The following AHCYL2 variants were observed in gnomAD, a reference collection of about 807,000 sequenced individuals.
The protein encoded by AHCYL2 is S-adenosylhomocysteine hydrolase-like protein 2.
A neutral mutation model predicts 81.4 loss-of-function variants in AHCYL2; 28 were observed. The observed-to-expected ratio is 0.34, with a 90% CI of 0.25 to 0.47. The LOEUF (loss-of-function observed/expected upper bound fraction) is 0.47, where lower values mean the gene tolerates loss of function less well. Ranked by LOEUF, AHCYL2 falls within the 20% of genes least tolerant of loss-of-function variation. The pLI, the probability that AHCYL2 is intolerant of heterozygous loss-of-function variation, is 1.00. For synonymous variants in AHCYL2, 272 were observed against 290.2 expected (o/e 0.94, Z 0.64); for missense variants, 551 against 785.1 (o/e 0.70, Z 3.56).
chr7:129,253,521 A>G (rs1438786323), intron 1 of AHCYL2, among the ~76,000 whole-genome samples: 2 of 152,352 alleles, frequency 1.3e-5, no homozygotes, highest in Admixed American at 6.5e-5. Context: ...AGAGCTGTAA[A>G]TGCAAATGGC....
chr7:129,282,017 C>T (rs79668490), intron 1 of AHCYL2, among the ~76,000 whole-genome samples: 2,004 of 152,212 alleles, frequency 0.013, 24 homozygotes, highest in Non-Finnish European at 0.02. Context: ...TACTTTACTT[C>T]CTGATATTTG....
At chr7:129,328,023 C>G (rs1460345183) in intron 1 of AHCYL2, among the ~76,000 whole-genome samples, 1 of 152,200 alleles carries the variant, frequency 6.6e-6, no homozygotes, top group African/African-American at 2.4e-5. Context: ...ATTTTGAACT[C>G]CTGGCCTCAA....
chr7:129,226,860 G>C (rs1402911834), intron 1 of AHCYL2, among the ~76,000 whole-genome samples: 1 of 152,200 alleles, frequency 6.6e-6, no homozygotes, highest in Non-Finnish European at 1.5e-5. Context: ...ACCAGTGCTG[G>C]GAGTACCTAG....
Position 129,368,018 on chromosome 7 carries a change from T to C in AHCYL2, c.364-11620T>C, listed in dbSNP as rs1794190039. The C allele has an allele frequency of 1.3e-6, 1 of 775,332 alleles. No individual in the cohort carries two copies. The allele number at this position is 775,332 out of a possible 1,614,324, so 48.0% of individuals were successfully genotyped here. On this transcript the variant is annotated intron_variant, in intron 1 of 16. Coordinates refer to ENST00000325006, the MANE Select transcript of AHCYL2 (RefSeq NM_015328.4). This position sits in a 1 kb window ranked among gnomAD's most constrained non-coding sequence, Gnocchi z 4.4. ...TCCAAATCAAGCAACTCTTGAGAAA[T>C]GGGAGTGCCTTCCTGACCTCAGTCT...
At chr7:129,416,852 G>T (rs78589689) in intron 12 of AHCYL2, among the ~76,000 whole-genome samples, 152,192 of 152,194 alleles carry the variant, frequency 1, 76,095 homozygotes, top group Non-Finnish European at 1. Flanking sequence ...GTGTGGTGGT[G>T]GGCGCCTGTA....
At chr7:129,347,049 C>G (rs1179708249) in intron 1 of AHCYL2, among the ~76,000 whole-genome samples, 1 of 152,152 alleles carries the variant, frequency 6.6e-6, no homozygotes, top group East Asian at 1.9e-4. Context: ...AGGCTACATA[C>G]TGTATGATTC....
intron 4 of AHCYL2, among the ~76,000 whole-genome samples, chr7:129,393,387 A>C (rs1010896308): frequency 2.0e-5 from 3 of 152,214 alleles, no homozygotes; most frequent in Non-Finnish European, 4.4e-5. Context: ...ATTGCACTGC[A>C]CTCCAGCCTG....
intron 1 of AHCYL2, among the ~76,000 whole-genome samples, chr7:129,310,254 T>C (rs1185415471): frequency 6.6e-6 from 1 of 152,192 alleles, no homozygotes; most frequent in East Asian, 1.9e-4. Context: ...CTATATATAC[T>C]CTTTTAGATT....
At chr7:129,249,267 G>C (rs1490209296) in intron 1 of AHCYL2, among the ~76,000 whole-genome samples, 3 of 151,880 alleles carry the variant, frequency 2.0e-5, no homozygotes, top group African/African-American at 7.3e-5. Context: ...CAAAGTGCTG[G>C]GATTACAGAC....
intron 1 of AHCYL2, among the ~76,000 whole-genome samples, chr7:129,286,835 A>G (rs561554033): frequency 7.0e-4 from 106 of 152,248 alleles, no homozygotes; most frequent in Non-Finnish European, 1.3e-3. Flanking sequence ...AATACTTACA[A>G]TGTTAGGAAT....
chr7:129,354,263 G>A (rs1024875378), intron 1 of AHCYL2, among the ~76,000 whole-genome samples: 1 of 152,212 alleles, frequency 6.6e-6, no homozygotes, highest in African/African-American at 2.4e-5. Context: ...AAACAGGAGG[G>A]AGATAGGAGA....
intron 1 of AHCYL2, among the ~76,000 whole-genome samples, chr7:129,228,916 A>C (rs548917007): frequency 6.6e-6 from 1 of 152,328 alleles, no homozygotes; most frequent in South Asian, 2.1e-4. Flanking sequence ...TTAATTATAG[A>C]GTACTAAAAT....
intron 1 of AHCYL2, among the ~76,000 whole-genome samples, chr7:129,320,737 A>G (rs957163916): frequency 6.6e-6 from 1 of 152,142 alleles, no homozygotes; most frequent in African/African-American, 2.4e-5. Context: ...ATTCCAGAAC[A>G]TTTTTGCCAT....
At chr7:129,371,493 A>T (rs528772664) in intron 1 of AHCYL2, among the ~76,000 whole-genome samples, 6 of 152,332 alleles carry the variant, frequency 3.9e-5, no homozygotes, top group African/African-American at 1.4e-4. Context: ...TCCATCAATC[A>T]CTGGAAAACT....
At chr7:129,247,246 G>A (rs1407211028) in intron 1 of AHCYL2, among the ~76,000 whole-genome samples, 2 of 152,228 alleles carry the variant, frequency 1.3e-5, no homozygotes, top group African/African-American at 4.8e-5. Context: ...GGCATTGTCA[G>A]TCTTTTTGAT....
At chr7:129,357,802 C>T (rs923675425) in intron 1 of AHCYL2, among the ~76,000 whole-genome samples, 3 of 151,466 alleles carry the variant, frequency 2.0e-5, no homozygotes, top group Non-Finnish European at 4.4e-5. Context: ...GGCGTGGTGG[C>T]GGGCGCCTGT....
intron 1 of AHCYL2, among the ~76,000 whole-genome samples, chr7:129,360,881 T>C (rs1793909967): frequency 6.6e-6 from 1 of 152,068 alleles, no homozygotes; most frequent in Non-Finnish European, 1.5e-5. Context: ...TAGTGAGGAG[T>C]AACTGGGGTG....
At chr7:129,425,282 G>A (rs368185904) in intron 15 of AHCYL2, 141 bp downstream of exon 15, 1 of 697,906 alleles carries the variant, frequency 1.4e-6, no homozygotes, top group Non-Finnish European at 2.4e-6. Context: ...AGGATTCCTA[G>A]GTGCCATTCC....
chr7:129,362,998 G>A (rs564159814), intron 1 of AHCYL2, among the ~76,000 whole-genome samples: 10 of 152,140 alleles, frequency 6.6e-5, no homozygotes, highest in African/African-American at 2.2e-4. Context: ...CAGATCATCC[G>A]GCAGGCCATA....
Sources: gnomAD v4.1 joint callset for allele counts (sites outside exome capture counted in the v4.1 genomes callset) on GRCh38, gnomAD v4.1.1 for gene constraint, Gnocchi (gnomAD v3.1) non-coding constraint, MANE v1.5 for transcripts, NCBI Gene and HGNC (gene_info 2026-07-23, HGNC 2026-07-21) for gene names.